Variants in METTL24 observed in about 807,000 individuals in gnomAD.
METTL24 encodes the protein probable methyltransferase-like protein 24.
Under a neutral mutation model 32.7 loss-of-function variants are expected in METTL24, and 29 were observed. That is an observed-to-expected ratio of 0.89 (90% CI 0.66 to 1.21). The LOEUF is 1.21. Ranked by LOEUF, METTL24 falls within the 50% of genes most tolerant of loss-of-function variation. The pLI is 0.00. For synonymous variants in METTL24, 163 were observed against 179.5 expected, an observed-to-expected ratio of 0.91 and a Z score of 0.73; for missense variants, 439 against 468.1, an observed-to-expected ratio of 0.94 and a Z score of 0.57.
Position 110,245,013 on chromosome 6 carries a change from T to TCTATC in METTL24, c.*932_*933insGATAG, listed in dbSNP as rs1778126775. Among the ~76,000 whole-genome samples, 2 of 128,050 alleles carry TCTATC rather than the reference T, an allele frequency of 1.6e-5. No individual in the cohort carries two copies. The highest frequency in any genetic ancestry group is 3.5e-5 in the African/African-American group (1 of 28,522). 84.0% of individuals were successfully genotyped at this position (128,050 alleles called of 152,430 possible). ...ATCTATCTATCTATCATCTATCTAT[T>TCTATC]TATCTACCTACCTACCTACAATGGT... is the stretch of plus-strand genomic sequence containing the variant. On this transcript the variant is annotated 3_prime_UTR_variant, in exon 5 of 5. Coordinates refer to ENST00000338882, the MANE Select transcript of METTL24 (RefSeq NM_001123364.3).
Position 110,245,694 on chromosome 6 carries a change from T to G in METTL24, c.*252A>C, listed in dbSNP as rs1778142952. On this transcript the variant is annotated 3_prime_UTR_variant, in exon 5 of 5. Transcript: ENST00000338882. ...AATTTTAGGGAAAACTGTGATGAGC[T>G]GGGGATAATCTTCCAAGTTAAGGTG... Among the ~76,000 whole-genome samples the G allele has an allele frequency of 3.3e-5, 5 of 152,290 alleles. 1 individual carries two copies. In the South Asian group the frequency reaches 1.0e-3, roughly 32 times the overall value.
chr6:110,259,245 G>A (rs1778444000), intron 4 of METTL24, among the ~76,000 whole-genome samples: 1 of 152,154 alleles, frequency 6.6e-6, no homozygotes. Context: ...GACGGCACCT[G>A]GAAAATCAGG....
At chr6:110,280,589 C>T (rs924582311) in intron 4 of METTL24, among the ~76,000 whole-genome samples, 4 of 151,682 alleles carry the variant, frequency 2.6e-5, no homozygotes, top group Non-Finnish European at 5.9e-5. Flanking sequence ...TATGGCCATC[C>T]CACCTTAATT....
intron 4 of METTL24, among the ~76,000 whole-genome samples, chr6:110,254,974 T>C (rs1447185067): frequency 2.0e-5 from 3 of 152,122 alleles, no homozygotes; most frequent in Non-Finnish European, 4.4e-5. Context: ...ATAGTAAAAG[T>C]CTTTTTGAGA....
At chr6:110,336,467 G>A (rs112611924) in intron 1 of METTL24, among the ~76,000 whole-genome samples, 5,720 of 152,276 alleles carry the variant, frequency 0.038, 325 homozygotes, top group African/African-American at 0.12. Context: ...TCAGCTGGGC[G>A]CGGTGGCTCA....
At chr6:110,296,756 T>C (rs1771427035) in intron 4 of METTL24, among the ~76,000 whole-genome samples, 1 of 152,150 alleles carries the variant, frequency 6.6e-6, no homozygotes, top group African/African-American at 2.4e-5. Flanking sequence ...TCAGAATAAA[T>C]GAGTGAAGGT....
At chr6:110,316,948 T>A (rs1771832176) in intron 2 of METTL24, among the ~76,000 whole-genome samples, 1 of 152,180 alleles carries the variant, frequency 6.6e-6, no homozygotes, top group Admixed American at 6.5e-5. Context: ...TAGGCTTGCC[T>A]AATCCTTTAA....
chr6:110,296,669 T>C (rs1771425761), intron 4 of METTL24, among the ~76,000 whole-genome samples: 1 of 152,196 alleles, frequency 6.6e-6, no homozygotes, highest in Non-Finnish European at 1.5e-5. Context: ...AATAGGGAAA[T>C]TACTACAAAA....
chr6:110,317,620 G>T (rs916085851), intron 2 of METTL24, among the ~76,000 whole-genome samples: 10 of 151,950 alleles, frequency 6.6e-5, no homozygotes, highest in African/African-American at 2.4e-4. Flanking sequence ...TTATTAAAAT[G>T]GTATGATGAT....
At chr6:110,305,420 T>G (rs191256825) in intron 3 of METTL24, among the ~76,000 whole-genome samples, 1 of 151,894 alleles carries the variant, frequency 6.6e-6, no homozygotes, top group Non-Finnish European at 1.5e-5. Context: ...AAATTTGCAA[T>G]CTATCCATCT....
chr6:110,285,862 A>G (rs77225285), intron 4 of METTL24, among the ~76,000 whole-genome samples: 19,491 of 152,136 alleles, frequency 0.13, 2,844 homozygotes, highest in African/African-American at 0.36. Context: ...AGACAAGTAC[A>G]CCCACTTCTT....
intron 1 of METTL24, chr6:110,332,490 G>A: frequency 1.0e-6 from 1 of 983,502 alleles, no homozygotes; most frequent in Non-Finnish European, 1.2e-6. Flanking sequence ...TCATGAGGTG[G>A]AAACTACACA....
intron 1 of METTL24, among the ~76,000 whole-genome samples, chr6:110,331,659 C>CAAAAAAAAAAAA (rs59304999): frequency 1.7e-5 from 1 of 58,860 alleles, no homozygotes. Context: ...GACCCTGCCT[C>CAAAAAAAAAAAA]AAAAAAAAAA....
chr6:110,308,113 C>G (rs1188323709), intron 3 of METTL24, among the ~76,000 whole-genome samples: 2 of 152,142 alleles, frequency 1.3e-5, no homozygotes, highest in Non-Finnish European at 2.9e-5. Context: ...GTTGTGTGGA[C>G]TGTGCACTGA....
Position 110,245,598 on chromosome 6 carries a change from C to CTT in METTL24, c.*347_*348insAA, listed in dbSNP as rs1778140557. 6.6e-6 allele frequency among the ~76,000 whole-genome samples: 1 copy of CTT among 152,108 alleles called. No individual in the cohort carries two copies. Among genetic ancestry groups the CTT allele is most frequent in the Admixed American group, 6.5e-5 (1 of 15,280 alleles). ...GGAAGAACTTAAAAATCTCACCAAC[C>CTT]TAGTAAAAATAGGAAATTTATATAA... is the stretch of plus-strand genomic sequence containing the variant. On this transcript the variant is annotated 3_prime_UTR_variant, in exon 5 of 5. Transcript: ENST00000338882.
intron 4 of METTL24, among the ~76,000 whole-genome samples, chr6:110,276,855 C>T (rs1042485484): frequency 1.3e-5 from 2 of 152,032 alleles, no homozygotes; most frequent in African/African-American, 4.8e-5. Context: ...CAAAAAAACA[C>T]CATTATAATA....
chr6:110,301,080 AC>A (rs1250959228), intron 3 of METTL24, among the ~76,000 whole-genome samples: 2 of 152,030 alleles, frequency 1.3e-5, no homozygotes, highest in South Asian at 2.1e-4. Flanking sequence ...CCTCTTCCTC[AC>A]CCTTCACCCA....
intron 1 of METTL24, among the ~76,000 whole-genome samples, chr6:110,339,792 T>C (rs1772316174): frequency 6.6e-6 from 1 of 152,178 alleles, no homozygotes; most frequent in Admixed American, 6.5e-5. Context: ...ACTTTGGATA[T>C]GGGGCTTCTA....
In METTL24 at chr6:110,263,214, G is replaced by A. The variant is rs559749091; in HGVS notation, c.787-16954C>T. Among the ~76,000 whole-genome samples the A allele has an allele frequency of 1.3e-3, 200 of 152,264 alleles. 2 individuals are homozygous for A. Among genetic ancestry groups the A allele is most frequent in the East Asian group, 5.8e-4 (3 of 5,182 alleles). On this transcript the variant is annotated intron_variant, in intron 4 of 4. Coordinates refer to ENST00000338882, the MANE Select transcript of METTL24 (RefSeq NM_001123364.3). ...TGCAGATGACATGATTGTATATCTA[G>A]AAAACCCCATCATCTCAGCCCAAAA... is the stretch of plus-strand genomic sequence containing the variant.
Sources: allele counts gnomAD v4.1 joint callset (sites outside exome capture counted in the v4.1 genomes callset), GRCh38; gene constraint gnomAD v4.1.1; transcripts MANE v1.5; gene names NCBI Gene and HGNC (gene_info 2026-07-23, HGNC 2026-07-21).